Variants in GLIS1 observed in about 807,000 individuals in gnomAD.
GLIS1 encodes GLIS family zinc finger 1.
In GLIS1, 24 loss-of-function variants were observed where a neutral mutation model predicts 63.8. The ratio of observed to expected loss-of-function variants is 0.38; its 90% CI spans 0.27 to 0.53. The LOEUF (loss-of-function observed/expected upper bound fraction) is 0.53, where lower values mean the gene tolerates loss of function less well. Among genes scored for constraint, GLIS1 ranks in the 20% least tolerant of loss-of-function variants. The pLI is 0.85. For synonymous variants in GLIS1, 450 were observed against 482.5 expected, an observed-to-expected ratio of 0.93 and a Z score of 0.88; for missense variants, 1,036 against 1,074.1, an observed-to-expected ratio of 0.96 and a Z score of 0.50.
intron 4 of GLIS1, among the ~76,000 whole-genome samples, chr1:53,593,430 C>CGTGTGTGTGCACGCGTGCATGCAT (rs890792787): frequency 1.2e-4 from 18 of 152,340 alleles, no homozygotes; most frequent in African/African-American, 3.8e-4. Flanking sequence ...TTAATATGCG[C>CGTGTGTGTGCACGCGTGCATGCAT]GTGTGTGTGC....
chr1:53,533,741 T>C (rs1644554821), intron 4 of GLIS1, among the ~76,000 whole-genome samples: 2 of 151,042 alleles, frequency 1.3e-5, no homozygotes, highest in African/African-American at 2.5e-5. Context: ...CTATGGGATC[T>C]GCCTGCAGCT....
rs1557500264 is a variant in GLIS1 at position 53,646,900 on chromosome 1, A to AAAGGAAGGAAGGG, written c.260-46635_260-46623dup. Among the ~76,000 whole-genome samples, 2 of 148,046 alleles carry AAAGGAAGGAAGGG rather than the reference A, an allele frequency of 1.4e-5. No homozygotes were observed. Among genetic ancestry groups the AAAGGAAGGAAGGG allele is most frequent in the Admixed American group, 1.4e-4 (2 of 14,774 alleles). Reference sequence around the variant, plus strand: ...GAAGGAGAAGGGAAGGGAAGGAAGGAAAGGAAGGAAGGGAAGGAAGGAAGG... The same window carrying AAAGGAAGGAAGGG: ...GAAGGAGAAGGGAAGGGAAGGAAGGAAAGGAAGGAAGGGAAGGAAGGAAGGGAAGGAAGGAAGG... On this transcript the variant is annotated intron_variant, in intron 2 of 10. Transcript: ENST00000628545. This position sits in a 1 kb window ranked among gnomAD's most constrained non-coding sequence, Gnocchi z 4.2.
Position 53,524,872 on chromosome 1 carries a change from G to A in GLIS1, c.1498C>T (p.Gln500Ter). The change falls in exon 6 of 11, where the codon CAG (glutamine) becomes TAG (stop). Residue 500 changes from glutamine to a stop codon, truncating the protein, a stop_gained. Coordinates refer to ENST00000628545, the MANE Select transcript of GLIS1 (RefSeq NM_001367484.1). LOFTEE classifies it high-confidence loss of function. ...TAGCGCTTGGAGCAGCCAGGGATCT[G>A]ACAGGCGTACGGCTTCTGTAACATG... is the stretch of plus-strand genomic sequence containing the variant. ...THLDTKPYAC[Q>*]IPGCSKRYTD... is the part of the protein sequence containing the mutation. 6.2e-7 allele frequency: 1 copy of A among 1,607,874 alleles called. No homozygotes were observed. The highest frequency in any genetic ancestry group is 8.5e-7 in the Non-Finnish European group (1 of 1,175,320).
chr1:53,679,448 T>G (rs1646251748), intron 2 of GLIS1, among the ~76,000 whole-genome samples: 1 of 152,230 alleles, frequency 6.6e-6, no homozygotes, highest in Non-Finnish European at 1.5e-5. Context: ...AAGCATCTGC[T>G]GCTCCAGGAG....
intron 4 of GLIS1, among the ~76,000 whole-genome samples, chr1:53,542,585 TTGTGATGAGGAAAGAGCAAAGCTTCC>T (rs1263706600): frequency 1.3e-5 from 2 of 152,178 alleles, no homozygotes; most frequent in Non-Finnish European, 2.9e-5. Context: ...GGGAGAGACC[TTGTGATGAGGAAAGAGCAAAGCTTCC>T]TGTACTTCCA....
Position 53,737,860 on chromosome 1 carries a change from G to C in GLIS1, c.205C>G (p.Arg69Gly). The C allele has an allele frequency of 8.1e-7, 1 of 1,231,046 alleles. No individual in the cohort carries two copies. The highest frequency in any genetic ancestry group is 1.0e-6 in the Non-Finnish European group (1 of 987,486). The allele number at this position is 1,231,046 out of a possible 1,614,324, so 76.3% of individuals were successfully genotyped here. Residue 69 changes from arginine to glycine, a missense_variant, in exon 2 of 11, where the codon CGG becomes GGG. Transcript: ENST00000628545. Reference sequence around the variant, plus strand: ...CCGTAGTCTCGGGGACTGCGGGGCCGGAGGAGGTCGTGGGCGCGCGGTGGC... The same window carrying C: ...CCGTAGTCTCGGGGACTGCGGGGCCCGAGGAGGTCGTGGGCGCGCGGTGGC... ...APPPRAHDLL[R>G]PRSPRDYGPS...
chr1:53,661,211 C>T (rs1387151988), intron 2 of GLIS1, among the ~76,000 whole-genome samples: 3 of 151,960 alleles, frequency 2.0e-5, no homozygotes, highest in East Asian at 3.9e-4. Context: ...GGTAAGCAAA[C>T]GGTTAGTGAC....
intron 5 of GLIS1, among the ~76,000 whole-genome samples, chr1:53,528,389 T>C (rs1007045376): frequency 6.6e-6 from 1 of 152,182 alleles, no homozygotes; most frequent in Non-Finnish European, 1.5e-5. Context: ...CAGGTTTGCA[T>C]CCCAGCTCTG....
In GLIS1 at chr1:53,548,701, C is replaced by CATT. The variant is rs751983457; in HGVS notation, c.1321-18752_1321-18750dup. 2.0e-5 allele frequency among the ~76,000 whole-genome samples: 3 copies of CATT among 152,216 alleles called. No individual in the cohort carries two copies. In the South Asian group the frequency reaches 6.2e-4, roughly 32 times the overall value. On this transcript the variant is annotated intron_variant, in intron 4 of 10. Transcript: ENST00000628545. ...AGCGTGGGCCAGATTTTCTGGCTGACATTATGCTTGCATCTGTTTCCCTGT... is the reference window on the plus strand; with the variant it reads ...AGCGTGGGCCAGATTTTCTGGCTGACATTATTATGCTTGCATCTGTTTCCCTGT...
chr1:53,587,693 A>G (rs975709841), intron 4 of GLIS1, among the ~76,000 whole-genome samples: 3 of 152,220 alleles, frequency 2.0e-5, no homozygotes, highest in African/African-American at 7.2e-5. Context: ...TGGCTTCTTG[A>G]GAAAAATAGT....
chr1:53,682,841 A>G (rs902020163), intron 2 of GLIS1, among the ~76,000 whole-genome samples: 1 of 152,214 alleles, frequency 6.6e-6, no homozygotes, highest in Non-Finnish European at 1.5e-5. Flanking sequence ...AGCTAAACAG[A>G]TGTCCCTGCC....
chr1:53,722,934 A>G (rs1213345260), intron 2 of GLIS1, among the ~76,000 whole-genome samples: 2 of 151,904 alleles, frequency 1.3e-5, no homozygotes, highest in Non-Finnish European at 2.9e-5. Flanking sequence ...GGAGGTCAAG[A>G]CCAGCCTGGC....
rs148780134 is a variant in GLIS1, at chr1:53,705,318, G to A, written c.259+32488C>T. Among the ~76,000 whole-genome samples the A allele has an allele frequency of 9.9e-5, 15 of 152,276 alleles. No individual in the cohort carries two copies. The East Asian group carries it at 2.1e-3, about 22-fold the overall frequency. On this transcript the variant is annotated intron_variant, in intron 2 of 10. Coordinates refer to ENST00000628545, the MANE Select transcript of GLIS1 (RefSeq NM_001367484.1). ...CAAGCTGGCTGACTCCAAAGGCAGC[G>A]TCCCCATCCCCACAGATTCCTCCCT...
At chr1:53,717,280 G>A (rs1030038225) in intron 2 of GLIS1, among the ~76,000 whole-genome samples, 1 of 152,140 alleles carries the variant, frequency 6.6e-6, no homozygotes, top group Non-Finnish European at 1.5e-5. Context: ...ATTAATCCAC[G>A]TAAAGCAGTG....
chr1:53,521,451 T>A (rs1321976571), intron 6 of GLIS1, among the ~76,000 whole-genome samples: 1 of 152,126 alleles, frequency 6.6e-6, no homozygotes, highest in Non-Finnish European at 1.5e-5. Flanking sequence ...CTCTTCTTAC[T>A]CCCTGTGTAA....
intron 8 of GLIS1, among the ~76,000 whole-genome samples, chr1:53,512,684 G>C (rs973457908): frequency 6.6e-6 from 1 of 152,200 alleles, no homozygotes; most frequent in African/African-American, 2.4e-5. Flanking sequence ...CCGCAGGCAG[G>C]GGTGGGCAGG....
chr1:53,718,549 A>C (rs1233024639), intron 2 of GLIS1, among the ~76,000 whole-genome samples: 9 of 152,214 alleles, frequency 5.9e-5, no homozygotes, highest in African/African-American at 2.2e-4. Context: ...ATGGTGCATG[A>C]CTTGATTTGA....
chr1:53,565,967 T>C (rs1166461248), intron 4 of GLIS1, among the ~76,000 whole-genome samples: 1 of 152,036 alleles, frequency 6.6e-6, no homozygotes, highest in Non-Finnish European at 1.5e-5. Flanking sequence ...GAGAACAAAT[T>C]ATATCCAAGT....
At chr1:53,557,169 A>G (rs1475722757) in intron 4 of GLIS1, among the ~76,000 whole-genome samples, 1 of 152,076 alleles carries the variant, frequency 6.6e-6, no homozygotes, top group East Asian at 1.9e-4. Flanking sequence ...GAAACACCAG[A>G]ATGAGCCCAC....
Sources: allele counts gnomAD v4.1 joint callset (sites outside exome capture counted in the v4.1 genomes callset), GRCh38; gene constraint gnomAD v4.1.1; non-coding constraint Gnocchi (gnomAD v3.1); transcripts MANE v1.5; gene names NCBI Gene and HGNC (gene_info 2026-07-23, HGNC 2026-07-21).